PHACTR1: variants seen among roughly 807,000 people sequenced by gnomAD.
PHACTR1 encodes the protein RPEL repeat containing 1.
PHACTR1 carries 16 observed loss-of-function variants against 69.2 expected under a neutral mutation model. The observed-to-expected ratio is 0.23, with a 90% CI of 0.16 to 0.35. PHACTR1 has a LOEUF of 0.35. Ranked by LOEUF, PHACTR1 falls within the 10% of genes least tolerant of loss-of-function variation. The pLI is 1.00. For synonymous variants in PHACTR1, 312 were observed against 284.5 expected, an observed-to-expected ratio of 1.10 and a Z score of -0.97; for missense variants, 510 against 734.7, an observed-to-expected ratio of 0.69 and a Z score of 3.54.
chr6:13,170,810 G>C (rs1760488868), intron 6 of PHACTR1, among the ~76,000 whole-genome samples: 1 of 152,128 alleles, frequency 6.6e-6, no homozygotes, highest in Non-Finnish European at 1.5e-5. Flanking sequence ...ACCCTAGACT[G>C]CTGCCGCCAG....
At position 12,767,987 on chromosome 6, in the gene PHACTR1, G is replaced by A. The variant is rs78940277; in HGVS notation, c.250+18197G>A. Among the ~76,000 whole-genome samples the A allele has an allele frequency of 6.3e-3, 962 of 152,102 alleles. 13 individuals carry two copies. The highest frequency in any genetic ancestry group is 0.022 in the African/African-American group (921 of 41,488). On this transcript the variant is annotated intron_variant, in intron 4 of 14. Transcript: ENST00000332995. ...TTTGATGTAGAAAGTGAGACCTGGC[G>A]CATTAGGATAATTAGGTTTGTCAAC...
Position 13,005,927 on chromosome 6 carries a change from C to T in PHACTR1, c.251-47438C>T, listed in dbSNP as rs553414823. On this transcript the variant is annotated intron_variant, in intron 4 of 14. Transcript: ENST00000332995. ...CTTGGAAAAAGGGCCACTCCACTCT[C>T]TATTTCTCACCAATGTTACATTATC... is the stretch of plus-strand genomic sequence containing the variant. Among the ~76,000 whole-genome samples, 6 of 152,250 alleles carry T rather than the reference C, an allele frequency of 3.9e-5. No individual in the cohort carries two copies. The South Asian group carries it at 1.2e-3, about 32-fold the overall frequency.
chr6:12,999,365 CA>C (rs1797816968), intron 4 of PHACTR1, among the ~76,000 whole-genome samples: 1 of 152,070 alleles, frequency 6.6e-6, no homozygotes, highest in African/African-American at 2.4e-5. Context: ...TTTGGGAGGC[CA>C]GGGTGGGTGG....
At chr6:13,011,521 GGCTGT>G (rs774034955) in intron 4 of PHACTR1, among the ~76,000 whole-genome samples, 3 of 152,304 alleles carry the variant, frequency 2.0e-5, no homozygotes, top group Admixed American at 6.5e-5. Context: ...CTAAGCTGGT[GGCTGT>G]GTCAGTGTTT....
chr6:12,843,686 G>GATATTCAAAGATGGTTAACTTTGA (rs758204088), intron 4 of PHACTR1, among the ~76,000 whole-genome samples: 9 of 152,170 alleles, frequency 5.9e-5, no homozygotes, highest in African/African-American at 9.7e-5. Context: ...GAGCTTTGCA[G>GATATTCAAAGATGGTTAACTTTGA]ATATTCAAAG....
At chr6:13,065,869 C>G (rs987868308) in intron 5 of PHACTR1, among the ~76,000 whole-genome samples, 4 of 151,592 alleles carry the variant, frequency 2.6e-5, no homozygotes, top group African/African-American at 7.3e-5. Context: ...AAGAAACTAT[C>G]AAACCAAGTT....
chr6:12,942,355 T>C (rs1324002063), intron 4 of PHACTR1, among the ~76,000 whole-genome samples: 1 of 152,220 alleles, frequency 6.6e-6, no homozygotes, highest in African/African-American at 2.4e-5. Context: ...CTAATACTTT[T>C]TGAGTATTTA....
chr6:12,867,674 A>G (rs1005078063), intron 4 of PHACTR1, among the ~76,000 whole-genome samples: 4 of 152,366 alleles, frequency 2.6e-5, no homozygotes, highest in Middle Eastern at 6.8e-3. Flanking sequence ...ACATAGCAGC[A>G]CTTCACAAAA....
At chr6:12,827,730 T>C (rs982881588) in intron 4 of PHACTR1, among the ~76,000 whole-genome samples, 1 of 152,200 alleles carries the variant, frequency 6.6e-6, no homozygotes, top group African/African-American at 2.4e-5. Context: ...AGCTTCAAAT[T>C]GTCCACTTTT....
intron 4 of PHACTR1, among the ~76,000 whole-genome samples, chr6:13,025,587 C>T (rs6924689): frequency 0.56 from 85,684 of 151,800 alleles, 24,676 homozygotes; most frequent in East Asian, 0.83. Flanking sequence ...GGACATTATA[C>T]CCCAAATTTA....
chr6:13,163,025 G>A (rs572160912), intron 6 of PHACTR1, among the ~76,000 whole-genome samples: 73 of 152,214 alleles, frequency 4.8e-4, no homozygotes, highest in Middle Eastern at 3.4e-3. Flanking sequence ...GCGGTGGATC[G>A]CTTGAGGTCA....
intron 4 of PHACTR1, among the ~76,000 whole-genome samples, chr6:12,941,260 C>T (rs539615511): frequency 1.3e-5 from 2 of 152,132 alleles, no homozygotes; most frequent in Admixed American, 6.5e-5. Flanking sequence ...TCCTCAGAGT[C>T]GTAGCAAATT....
At chr6:13,005,646 C>A (rs1159579162) in intron 4 of PHACTR1, among the ~76,000 whole-genome samples, 1 of 152,136 alleles carries the variant, frequency 6.6e-6, no homozygotes, top group African/African-American at 2.4e-5. Flanking sequence ...CCTGGAGTGC[C>A]GGAATCAAGA....
chr6:13,145,793 C>G (rs1823252574), intron 5 of PHACTR1, among the ~76,000 whole-genome samples: 1 of 152,176 alleles, frequency 6.6e-6, no homozygotes, highest in African/African-American at 2.4e-5. Flanking sequence ...AGATCTTTAT[C>G]TTGGACCTCT....
intron 4 of PHACTR1, among the ~76,000 whole-genome samples, chr6:12,924,980 A>G (rs1243519942): frequency 2.0e-5 from 3 of 152,144 alleles, no homozygotes; most frequent in African/African-American, 7.2e-5. Context: ...GACAGAAATC[A>G]TCTGTGAGAA....
At chr6:12,867,686 ACAAATACG>A (rs1781593025) in intron 4 of PHACTR1, among the ~76,000 whole-genome samples, 2 of 152,234 alleles carry the variant, frequency 1.3e-5, no homozygotes, top group South Asian at 2.1e-4. Context: ...TTCACAAAAT[ACAAATACG>A]CTGTCATTAT....
rs553456072 is a variant in PHACTR1 at position 13,287,661 on chromosome 6, C to CA, written c.*585dup. 1.1e-3 allele frequency: 170 copies of CA among 152,950 alleles called. No individual in the cohort carries two copies. Among genetic ancestry groups the CA allele is most frequent in the Non-Finnish European group, 1.9e-3 (130 of 68,496 alleles). The allele number at this position is 152,950 out of a possible 1,614,324, so 9.5% of individuals were successfully genotyped here. On this transcript the variant is annotated 3_prime_UTR_variant, in exon 15 of 15. Coordinates refer to ENST00000332995, the MANE Select transcript of PHACTR1 (RefSeq NM_030948.6). ...TCCCTCCTTTCAGCCACCACCCACA[C>CA]AATGAACAAAAGGGAAGGGCCCATT...
At chr6:13,226,472 A>G (rs910655871) in intron 8 of PHACTR1, among the ~76,000 whole-genome samples, 2 of 152,188 alleles carry the variant, frequency 1.3e-5, no homozygotes, top group African/African-American at 4.8e-5. Flanking sequence ...ACACTTTTGG[A>G]TGGTAAAATG....
At chr6:12,798,338 T>C (rs1038546720) in intron 4 of PHACTR1, among the ~76,000 whole-genome samples, 12 of 152,058 alleles carry the variant, frequency 7.9e-5, no homozygotes, top group African/African-American at 2.9e-4. Flanking sequence ...GATAGAATAG[T>C]GTAGATGAAA....
Sources: allele counts gnomAD v4.1 joint callset (sites outside exome capture counted in the v4.1 genomes callset), GRCh38; gene constraint gnomAD v4.1.1; transcripts MANE v1.5; gene names NCBI Gene and HGNC (gene_info 2026-07-23, HGNC 2026-07-21).